The following TSPAN32 variants were observed in gnomAD, a reference collection of about 807,000 sequenced individuals.
TSPAN32 encodes the protein tetraspanin 32.
In TSPAN32, 47 loss-of-function variants were observed where a neutral mutation model predicts 42.7. The ratio of observed to expected loss-of-function variants is 1.10; its 90% confidence interval spans 0.87 to 1.40. The LOEUF (loss-of-function observed/expected upper bound fraction) is 1.40, where lower values mean the gene tolerates loss of function less well. Among genes scored for constraint, TSPAN32 ranks in the 40% most tolerant of loss-of-function variants. TSPAN32 has a pLI of 0.00. For synonymous variants in TSPAN32, 175 were observed against 175.9 expected (o/e 0.99, Z 0.04); for missense variants, 469 against 424.1 (o/e 1.11, Z -0.93).
rs1848257363 is a variant in TSPAN32 at position 2,308,522 on chromosome 11, GACCA to G, written c.280-213_280-210del. On this transcript the variant is annotated intron_variant, in intron 3 of 9. Coordinates refer to ENST00000182290, the MANE Select transcript of TSPAN32 (RefSeq NM_139022.3). Reference sequence around the variant, plus strand: ...CCCACAGTGACCAGCCCCCCGCAATGACCAGCCCCCAACAGTGACCAGCCCCCCA... The same window carrying G: ...CCCACAGTGACCAGCCCCCCGCAATGGCCCCCAACAGTGACCAGCCCCCCA... Among the ~76,000 whole-genome samples the G allele has an allele frequency of 5.5e-3, 8 of 1,446 alleles. 2 individuals carry two copies. The African/African-American group carries it at 0.069, about 12-fold the overall frequency. The allele number at this position is 1,446 out of a possible 152,430, so 0.9% of individuals were successfully genotyped here.
Position 2,304,319 on chromosome 11 carries a change from G to A in TSPAN32, c.279+115G>A. ...CCTGAGTGACCAGGCAGAACCAGAG[G>A]CCCCAGGGATGCTGGCCAGCCGAGA... On this transcript the variant is annotated intron_variant, in intron 3 of 9. Coordinates refer to ENST00000182290, the MANE Select transcript of TSPAN32 (RefSeq NM_139022.3). This position sits in a 1 kb window ranked among gnomAD's most constrained non-coding sequence, Gnocchi z 4.8. 2 of 746,628 alleles carry A rather than the reference G, an allele frequency of 2.7e-6. No homozygotes were observed. Among genetic ancestry groups the A allele is most frequent in the Non-Finnish European group, 4.2e-6 (2 of 477,416 alleles). The allele number at this position is 746,628 out of a possible 1,614,324, so 46.3% of individuals were successfully genotyped here. A position where few individuals can be genotyped will look rare whatever the true frequency, so the allele number is the denominator to read the frequency against.
intron 3 of TSPAN32, chr11:2,307,134 A>C (rs2237859): frequency 0.84 from 127,473 of 152,442 alleles, 53,957 homozygotes; most frequent in Non-Finnish European, 0.89. Flanking sequence ...GAGGGCCATG[A>C]GGAGCCGCCA....
Position 2,302,166 on chromosome 11 carries a change from G to A in TSPAN32, c.17G>A (p.Arg6Gln), listed in dbSNP as rs148861275. Reference sequence around the variant, plus strand: ...GGAACCGTCATGGGGCCTTGGAGTCGAGTCAGGGTTGCCAAATGCCAGATG... The same window carrying A: ...GGAACCGTCATGGGGCCTTGGAGTCAAGTCAGGGTTGCCAAATGCCAGATG... MGPWS[R>Q]VRVAKCQMLV... Residue 6 changes from arginine to glutamine, a missense_variant, in exon 1 of 10, where the codon CGA (arginine) becomes CAA (glutamine). Transcript: ENST00000182290. The A allele has an allele frequency of 1.0e-3, 1,466 of 1,425,956 alleles. 2 individuals are homozygous for A. Among genetic ancestry groups the A allele is most frequent in the Non-Finnish European group, 1.2e-3 (1,323 of 1,085,468 alleles). 88.3% of individuals were successfully genotyped at this position (1,425,956 alleles called of 1,614,324 possible). A position where few individuals can be genotyped will look rare whatever the true frequency, so the allele number is the denominator to read the frequency against.
chr11:2,317,396 G>A lies in TSPAN32; in HGVS notation c.772G>A (p.Gly258Arg), dbSNP rs778820239. The A allele has an allele frequency of 5.6e-6, 9 of 1,599,814 alleles. No homozygotes were observed. The highest frequency in any genetic ancestry group is 7.7e-6 in the Non-Finnish European group (9 of 1,173,356). The change falls in exon 9 of 10, where the codon GGA becomes AGA. Residue 258 changes from glycine (G) to arginine (R), a missense_variant. Transcript: ENST00000182290. This position sits in a 1 kb window ranked among gnomAD's most constrained non-coding sequence, Gnocchi z 6.2. Reference protein sequence around the residue: ...EPSLLRCSQGGPTHCLHSEAV... With the variant: ...EPSLLRCSQGRPTHCLHSEAV... ...CAGCCTCTTGAGATGCTCCCAGGGTGGACCCACACATTGTCTCCACTCCGA... is the reference window on the plus strand; with the variant it reads ...CAGCCTCTTGAGATGCTCCCAGGGTAGACCCACACATTGTCTCCACTCCGA...
Position 2,317,487 on chromosome 11 carries a change from C to A in TSPAN32, c.863C>A (p.Ala288Glu), listed in dbSNP as rs753797693. 6.3e-7 allele frequency: 1 copy of A among 1,594,830 alleles called. No individual in the cohort carries two copies. Among genetic ancestry groups the A allele is most frequent in the African/African-American group, 1.3e-5 (1 of 74,724 alleles). ...SLRWLQESDA[A>E]PLPLSCHLAA... ...CGGTGGCTGCAGGAGAGCGATGCTG[C>A]GCCTCTGCCCCTCTCCTGCCACCTG... The change falls in exon 9 of 10, where the codon GCG (alanine) becomes GAG (glutamate). Residue 288 changes from alanine (A) to glutamate (E), a missense_variant. Ala to Glu is a moderately radical substitution (Grantham distance 107). Coordinates refer to ENST00000182290, the MANE Select transcript of TSPAN32 (RefSeq NM_139022.3). The surrounding 1 kb of genome is among the most constrained non-coding windows in gnomAD (Gnocchi z 6.2).
intron 4 of TSPAN32, chr11:2,309,657 G>A (rs1295261842): frequency 1.4e-5 from 4 of 280,360 alleles, no homozygotes; most frequent in Non-Finnish European, 2.2e-5. Context: ...CAAGTGCCTG[G>A]TTGCCCAGGG....
At position 2,318,058 on chromosome 11, in the gene TSPAN32, C is replaced by T. The variant is rs1048338460; in HGVS notation, c.*134C>T. 2 of 595,582 alleles carry T rather than the reference C, an allele frequency of 3.4e-6. No individual in the cohort carries two copies. The highest frequency in any genetic ancestry group is 3.2e-5 in the Admixed American group (1 of 31,082). 36.9% of individuals were successfully genotyped at this position (595,582 alleles called of 1,614,324 possible). A position where few individuals can be genotyped will look rare whatever the true frequency, so the allele number is the denominator to read the frequency against. ...GGTTCCCAAGTCCTTGTCCCTGGTC[C>T]TGTGGTCCCTCCACCTTCAAACCAG... On this transcript the variant is annotated 3_prime_UTR_variant, in exon 10 of 10. Coordinates refer to ENST00000182290, the MANE Select transcript of TSPAN32 (RefSeq NM_139022.3). This position sits in a 1 kb window ranked among gnomAD's most constrained non-coding sequence, Gnocchi z 4.2.
At chr11:2,314,685 C>G in intron 6 of TSPAN32, 114 bp downstream of exon 6, 1 of 787,752 alleles carries the variant, frequency 1.3e-6, no homozygotes, top group Non-Finnish European at 2.1e-6. Flanking sequence ...CCTCCCCAGA[C>G]CCTTGGGAAC....
chr11:2,302,770 C>A, intron 1 of TSPAN32, 74 bp from the exon 2 acceptor site: 2 of 1,284,968 alleles, frequency 1.6e-6, no homozygotes. Context: ...AGCCCCAACC[C>A]TGCCCGCTGG....
chr11:2,314,564 CG>C lies in TSPAN32; in HGVS notation c.537del (p.Arg180GlufsTer12). On this transcript the variant is annotated frameshift_variant, in exon 6 of 10. Transcript: ENST00000182290. LOFTEE classifies it high-confidence loss of function. ...EADLCQGEEAAREDCLQGIRS... is the reference protein window; with the variant it reads ...EADLCQGEEAXREDCLQGIRS... The stretch of plus-strand genomic sequence containing the variant: ...GACCTGTGTCAGGGAGAGGAGGCGG[CG>C]AGAGAGGTGAGGGGGGGACCTGGAT... 1 of 1,607,902 alleles carries C rather than the reference CG, an allele frequency of 6.2e-7. No individual in the cohort carries two copies. Among genetic ancestry groups the C allele is most frequent in the African/African-American group, 1.3e-5 (1 of 74,976 alleles).
At chr11:2,311,770 T>C (rs1046646834) in intron 4 of TSPAN32, among the ~76,000 whole-genome samples, 3 of 152,198 alleles carry the variant, frequency 2.0e-5, no homozygotes, top group Non-Finnish European at 2.9e-5. Context: ...AGTGCGTTGA[T>C]ACCTGTCAGG....
intron 1 of TSPAN32, among the ~76,000 whole-genome samples, chr11:2,302,473 G>A (rs908477890): frequency 6.6e-6 from 1 of 152,158 alleles, no homozygotes; most frequent in Admixed American, 6.5e-5. Context: ...GGCCTGGGGC[G>A]AGCTGGGGTG....
intron 5 of TSPAN32, 142 bp from the exon 6 acceptor site, chr11:2,314,343 C>A: frequency 2.8e-6 from 2 of 714,164 alleles, no homozygotes; most frequent in Non-Finnish European, 5.0e-6. Flanking sequence ...CCAGCAGAAG[C>A]AGCTGCAATA....
Position 2,304,431 on chromosome 11 carries a change from C to A in TSPAN32, c.279+227C>A, listed in dbSNP as rs1236013730. Among the ~76,000 whole-genome samples the A allele has an allele frequency of 6.6e-6, 1 of 151,978 alleles. No individual in the cohort carries two copies. The highest frequency in any genetic ancestry group is 1.5e-5 in the Non-Finnish European group (1 of 67,940). ...CAGCCGAGACCCCCTACCTGGGTAGCCAAGGCCCCTCCACCAGGCCCTACC... is the reference window on the plus strand; with the variant it reads ...CAGCCGAGACCCCCTACCTGGGTAGACAAGGCCCCTCCACCAGGCCCTACC... On this transcript the variant is annotated intron_variant, in intron 3 of 9. Coordinates refer to ENST00000182290, the MANE Select transcript of TSPAN32 (RefSeq NM_139022.3). The surrounding 1 kb of genome is among the most constrained non-coding windows in gnomAD (Gnocchi z 4.8).
At chr11:2,306,969 G>GAA (rs1326812651) in intron 3 of TSPAN32, 2 of 12,384 alleles carry the variant, frequency 1.6e-4, no homozygotes, top group Non-Finnish European at 4.8e-4. Context: ...GAAGGAGGAG[G>GAA]AAAGAGAAAA....
chr11:2,302,398 T>C (rs2234291), intron 1 of TSPAN32, among the ~76,000 whole-genome samples, 183 bp downstream of exon 1: 2,174 of 152,252 alleles, frequency 0.014, 60 homozygotes, highest in African/African-American at 0.05. Context: ...GGGACCACCA[T>C]GAGCAACCCC....
intron 4 of TSPAN32, among the ~76,000 whole-genome samples, chr11:2,311,894 G>A (rs800139): frequency 0.7 from 107,290 of 152,190 alleles, 38,794 homozygotes; most frequent in Non-Finnish European, 0.8. Flanking sequence ...AGGCCCCGTG[G>A]AGAGCAGCCG....
rs1384117542 is a variant in TSPAN32, at chr11:2,308,746, G to C, written c.290G>C (p.Cys97Ser). Residue 97 changes from cysteine (C) to serine (S), a missense_variant, in exon 4 of 10, where the codon TGC becomes TCC. Physicochemically the swap from Cys to Ser is moderately radical, Grantham distance 112 (BLOSUM62 -1). Transcript: ENST00000182290. Reference protein sequence around the residue: ...AQGLMAGGFLCFSLAFCAQVQ... With the variant: ...AQGLMAGGFLSFSLAFCAQVQ... ...CCGCTCTGCCCCCAGGGCTTCCTGT[G>C]CTTCTCCCTGGCGTTCTGCGCACAG... 2 of 1,570,480 alleles carry C rather than the reference G, an allele frequency of 1.3e-6. No homozygotes were observed. Among genetic ancestry groups the C allele is most frequent in the Admixed American group, 3.7e-5 (2 of 54,628 alleles).
Position 2,302,145 on chromosome 11 carries a change from C to T in TSPAN32, c.-5C>T. 2 of 1,467,886 alleles carry T rather than the reference C, an allele frequency of 1.4e-6. No homozygotes were observed. Among genetic ancestry groups the T allele is most frequent in the Non-Finnish European group, 1.8e-6 (2 of 1,108,882 alleles). 90.9% of individuals were successfully genotyped at this position (1,467,886 alleles called of 1,614,324 possible). ...AGGGGAGGAGAGGAGAGGAGAGGAACCGTCATGGGGCCTTGGAGTCGAGTC... is the reference window on the plus strand; with the variant it reads ...AGGGGAGGAGAGGAGAGGAGAGGAATCGTCATGGGGCCTTGGAGTCGAGTC... On this transcript the variant is annotated 5_prime_UTR_variant, in exon 1 of 10. Transcript: ENST00000182290.
Sources: gnomAD v4.1 joint callset for allele counts (sites outside exome capture counted in the v4.1 genomes callset) on GRCh38, gnomAD v4.1.1 for gene constraint, Gnocchi (gnomAD v3.1) non-coding constraint, MANE v1.5 for transcripts, NCBI Gene and HGNC (gene_info 2026-07-23, HGNC 2026-07-21) for gene names.